Variants in FRMD4B observed in about 807,000 individuals in gnomAD.
The protein encoded by FRMD4B is FERM domain-containing protein 4B.
Under a neutral mutation model 141.5 loss-of-function variants are expected in FRMD4B, and 74 were observed. That is an observed-to-expected ratio of 0.52 (90% CI 0.43 to 0.63). The LOEUF (loss-of-function observed/expected upper bound fraction) is 0.63. Ranked by LOEUF, FRMD4B falls within the 30% of genes least tolerant of loss-of-function variation. The pLI is 0.00. For missense variants in FRMD4B, 1,366 were observed against 1,253.4 expected (o/e 1.09, Z -1.36); for synonymous variants, 506 against 467.9 (o/e 1.08, Z -1.05).
In FRMD4B at chr3:69,289,702, G is replaced by A. The variant is rs190436527; in HGVS notation, c.417-1866C>T. 3.3e-5 allele frequency among the ~76,000 whole-genome samples: 5 copies of A among 152,306 alleles called. No homozygotes were observed. In the East Asian group the frequency reaches 9.7e-4, roughly 29 times the overall value. On this transcript the variant is annotated intron_variant, in intron 4 of 22. Transcript: ENST00000398540. ...TAATCTCAGCTACTCCGGAGGCTGG[G>A]GGAGGAGAATCACTTGAGCCTGGAA...
At chr3:69,422,904 T>C (rs1705006977) in intron 2 of FRMD4B, among the ~76,000 whole-genome samples, 1 of 152,188 alleles carries the variant, frequency 6.6e-6, no homozygotes, top group South Asian at 2.1e-4. Flanking sequence ...GAAAGTTCTC[T>C]GATGGAGAGA....
At chr3:69,290,285 C>T (rs114029542) in intron 4 of FRMD4B, among the ~76,000 whole-genome samples, 2,634 of 151,874 alleles carry the variant, frequency 0.017, 68 homozygotes, top group African/African-American at 0.059. Context: ...ACTTGAGGGG[C>T]GGGTGAGGAG....
At chr3:69,513,072 A>G (rs1386088467) in intron 1 of FRMD4B, among the ~76,000 whole-genome samples, 2 of 152,132 alleles carry the variant, frequency 1.3e-5, no homozygotes, top group Non-Finnish European at 2.9e-5. Context: ...ATTAGAGCAG[A>G]GATAAACAAA....
At chr3:69,186,754 G>A (rs922384983) in intron 19 of FRMD4B, among the ~76,000 whole-genome samples, 2 of 152,156 alleles carry the variant, frequency 1.3e-5, no homozygotes, top group African/African-American at 4.8e-5. Context: ...GCCCAGACTG[G>A]TCTCCAACTC....
chr3:69,242,696 A>T (rs868572119), intron 7 of FRMD4B, among the ~76,000 whole-genome samples: 1 of 139,166 alleles, frequency 7.2e-6, no homozygotes, highest in Middle Eastern at 3.6e-3. Flanking sequence ...AAATCTTAGG[A>T]AAAAAAAAAA....
At chr3:69,310,408 C>T (rs926831319) in intron 3 of FRMD4B, 2 of 455,122 alleles carry the variant, frequency 4.4e-6, no homozygotes, top group Non-Finnish European at 8.8e-6. Context: ...ATGTCTGGAA[C>T]ACATCTTCTT....
chr3:69,525,698 C>G (rs181284830), intron 1 of FRMD4B, among the ~76,000 whole-genome samples: 14 of 152,218 alleles, frequency 9.2e-5, no homozygotes, highest in Non-Finnish European at 1.6e-4. Flanking sequence ...TTCACCCAGT[C>G]TGGAGTGCAG....
chr3:69,495,619 C>A (rs1457225308), intron 1 of FRMD4B, among the ~76,000 whole-genome samples: 1 of 152,214 alleles, frequency 6.6e-6, no homozygotes, highest in East Asian at 1.9e-4. Flanking sequence ...GCCCCTTGAA[C>A]TTAGTTGAAT....
chr3:69,298,485 A>G (rs1404455986), intron 4 of FRMD4B, among the ~76,000 whole-genome samples: 1 of 152,140 alleles, frequency 6.6e-6, no homozygotes, highest in Non-Finnish European at 1.5e-5. Flanking sequence ...TTAAAATGGA[A>G]ATTGGTTATG....
intron 9 of FRMD4B, among the ~76,000 whole-genome samples, chr3:69,220,205 G>A (rs1482217411): frequency 1.3e-5 from 2 of 152,212 alleles, no homozygotes; most frequent in Non-Finnish European, 1.5e-5. Context: ...CAGTTAGGCT[G>A]TATGGTATGG....
chr3:69,507,852 G>GT (rs879770416), intron 1 of FRMD4B, among the ~76,000 whole-genome samples: 10 of 150,994 alleles, frequency 6.6e-5, no homozygotes, highest in South Asian at 2.1e-4. Flanking sequence ...GGAAAAATAG[G>GT]TTTTTTTTTC....
In FRMD4B at chr3:69,208,030, C is replaced by T. The variant is rs970545016; in HGVS notation, c.876+8233G>A. On this transcript the variant is annotated intron_variant, in intron 11 of 22. Coordinates refer to ENST00000398540, the MANE Select transcript of FRMD4B (RefSeq NM_015123.3). ...AAGTAGCTGGGATTATGGGCACCCG[C>T]CACCATGTCTGGCTAATTTTTGTAT... Among the ~76,000 whole-genome samples the T allele has an allele frequency of 1.1e-3, 160 of 152,114 alleles. 1 individual carries two copies. The highest frequency in any genetic ancestry group is 3.5e-3 in the African/African-American group (147 of 41,540).
intron 5 of FRMD4B, among the ~76,000 whole-genome samples, chr3:69,267,622 TATATATATATATATAGAGAGAGAGAG>T (rs1559765347): frequency 0.081 from 1,902 of 23,598 alleles, 10 homozygotes; most frequent in Non-Finnish European, 0.11. Flanking sequence ...TATATATATA[TATATATATATATATAGAGAGAGAGAG>T]AGAGAGAGAG....
chr3:69,368,164 A>T (rs1703721146), intron 1 of FRMD4B, among the ~76,000 whole-genome samples: 1 of 152,054 alleles, frequency 6.6e-6, no homozygotes, highest in Non-Finnish European at 1.5e-5. Context: ...TCCCATTTAA[A>T]CCCGACAACA....
At position 69,472,931 on chromosome 3, in the gene FRMD4B, TTTTTTTC is replaced by T. The variant is rs1201647500; in HGVS notation, c.-128-40177_-128-40171del. Among the ~76,000 whole-genome samples the T allele has an allele frequency of 1.1e-4, 13 of 116,504 alleles. No homozygotes were observed. In the South Asian group the frequency reaches 2.4e-3, roughly 21 times the overall value. The allele number at this position is 116,504 out of a possible 152,430, so 76.4% of individuals were successfully genotyped here. ...AGGCTTCAAGTGAGTCTTTCTTTTT[TTTTTTTC>T]TTTTTTTTTTTTTTTGGCTTAGGGG... On this transcript the variant is annotated intron_variant, in intron 1 of 5. Coordinates refer to the FRMD4B transcript ENST00000459638.
At chr3:69,183,458 A>G (rs78968994) in intron 19 of FRMD4B, among the ~76,000 whole-genome samples, 2,986 of 151,266 alleles carry the variant, frequency 0.02, 119 homozygotes, top group African/African-American at 0.068. Flanking sequence ...CATGGTGACA[A>G]CACAATTAGA....
At chr3:69,405,590 T>C (rs894582027) in intron 2 of FRMD4B, among the ~76,000 whole-genome samples, 3 of 152,184 alleles carry the variant, frequency 2.0e-5, no homozygotes, top group African/African-American at 4.8e-5. Context: ...TAGAAGGATG[T>C]TGGGCAGCAG....
chr3:69,342,649 T>A (rs542097221), intron 1 of FRMD4B, among the ~76,000 whole-genome samples: 92 of 152,378 alleles, frequency 6.0e-4, no homozygotes, highest in Non-Finnish European at 1.0e-3. Flanking sequence ...AACATTAAAA[T>A]GTAGTTTTAT....
intron 5 of FRMD4B, among the ~76,000 whole-genome samples, chr3:69,279,795 TC>T (rs2093636539): frequency 7.6e-6 from 1 of 130,876 alleles, no homozygotes; most frequent in Non-Finnish European, 1.6e-5. Context: ...CTCCTCCTCC[TC>T]CTCCTCCTCC....
Sources: allele counts gnomAD v4.1 joint callset (sites outside exome capture counted in the v4.1 genomes callset), GRCh38; gene constraint gnomAD v4.1.1; transcripts MANE v1.5; gene names NCBI Gene and HGNC (gene_info 2026-07-23, HGNC 2026-07-21).